The following TMEM200A variants were observed in gnomAD, a reference collection of about 807,000 sequenced individuals.
TMEM200A encodes two transmembrane C.
Under a neutral mutation model 24.3 loss-of-function variants are expected in TMEM200A, and 12 were observed. The ratio of observed to expected loss-of-function variants is 0.49; its 90% confidence interval spans 0.32 to 0.80. TMEM200A has a LOEUF of 0.80. Ranked by LOEUF, TMEM200A falls within the 30% of genes least tolerant of loss-of-function variation. The pLI, the probability that TMEM200A is intolerant of heterozygous loss-of-function variation, is 0.04. For missense variants in TMEM200A, 545 were observed against 614.4 expected, an observed-to-expected ratio of 0.89 and a Z score of 1.19; for synonymous variants, 224 against 224.4, an observed-to-expected ratio of 1.00 and a Z score of 0.02.
intron 2 of TMEM200A, among the ~76,000 whole-genome samples, chr6:130,417,230 G>A (rs1340108831): frequency 6.6e-6 from 1 of 152,140 alleles, no homozygotes; most frequent in Non-Finnish European, 1.5e-5. Context: ...ATATTTGTTA[G>A]ATGAATGAAA....
At chr6:130,380,721 C>A (rs1231849295) in intron 1 of TMEM200A, among the ~76,000 whole-genome samples, 1 of 152,162 alleles carries the variant, frequency 6.6e-6, no homozygotes, top group East Asian at 1.9e-4. Context: ...TGAAAAAATT[C>A]AAAATCAGCC....
In TMEM200A at chr6:130,366,148, AGGGCAG is replaced by A; in HGVS notation, c.-455_-450del. On this transcript the variant is annotated 5_prime_UTR_variant, in exon 1 of 3. Coordinates refer to ENST00000296978, the MANE Select transcript of TMEM200A (RefSeq NM_001258277.2). The surrounding 1 kb of genome is among the most constrained non-coding windows in gnomAD (Gnocchi z 4.4). ...GGCTTGCTGCGCCCGGTGCCCTCCG[AGGGCAG>A]GCGCGCCTGGACTCTGCGCCCGGAT... 1 of 985,100 alleles carries A rather than the reference AGGGCAG, an allele frequency of 1.0e-6. No homozygotes were observed. The highest frequency in any genetic ancestry group is 1.2e-6 in the Non-Finnish European group (1 of 829,868). The allele number at this position is 985,100 out of a possible 1,614,324, so 61.0% of individuals were successfully genotyped here. A position where few individuals can be genotyped will look rare whatever the true frequency, so the allele number is the denominator to read the frequency against.
At chr6:130,407,282 T>C (rs1181952918) in intron 2 of TMEM200A, among the ~76,000 whole-genome samples, 4 of 152,186 alleles carry the variant, frequency 2.6e-5, no homozygotes, top group African/African-American at 9.6e-5. Flanking sequence ...TCTAACCTAA[T>C]GTTTTATTTA....
chr6:130,433,642 TAC>T (rs1218198793), intron 2 of TMEM200A, among the ~76,000 whole-genome samples: 1 of 152,216 alleles, frequency 6.6e-6, no homozygotes, highest in Non-Finnish European at 1.5e-5. Context: ...CATTTGTGGA[TAC>T]CACATGGGGT....
At position 130,392,264 on chromosome 6, in the gene TMEM200A, C is replaced by T. The variant is rs559474462; in HGVS notation, c.-17+7028C>T. ...CATATAAATCACCTAGAAAACAATG[C>T]ATAGCCTGTTGAATAAAAGTAGATG... On this transcript the variant is annotated intron_variant, in intron 2 of 2. Transcript: ENST00000296978. 7.3e-4 allele frequency among the ~76,000 whole-genome samples: 111 copies of T among 152,316 alleles called. 1 individual carries two copies. Among genetic ancestry groups the T allele is most frequent in the Admixed American group, 1.7e-3 (26 of 15,298 alleles).
chr6:130,393,582 G>A (rs1048180043), intron 2 of TMEM200A, among the ~76,000 whole-genome samples: 5 of 152,154 alleles, frequency 3.3e-5, no homozygotes, highest in African/African-American at 4.8e-5. Context: ...TTGGGATCAC[G>A]TTGCTTCAGC....
chr6:130,381,001 TTAAG>T (rs1272225903), intron 1 of TMEM200A, among the ~76,000 whole-genome samples: 1 of 152,110 alleles, frequency 6.6e-6, no homozygotes, highest in African/African-American at 2.4e-5. Flanking sequence ...AAAATAAAAA[TTAAG>T]TTTCAGAAGT....
chr6:130,384,254 T>C (rs1778663963), intron 1 of TMEM200A, among the ~76,000 whole-genome samples: 1 of 152,250 alleles, frequency 6.6e-6, no homozygotes, highest in Admixed American at 6.5e-5. Flanking sequence ...GCATTTATCA[T>C]GTTACTGAAA....
chr6:130,407,104 G>A lies in TMEM200A; in HGVS notation c.-17+21868G>A, dbSNP rs180694806. 7.2e-4 allele frequency among the ~76,000 whole-genome samples: 110 copies of A among 152,188 alleles called. 2 individuals are homozygous for A. The East Asian group carries it at 0.018, about 24-fold the overall frequency. On this transcript the variant is annotated intron_variant, in intron 2 of 2. Transcript: ENST00000296978. ...GCCTCCATTACATAATGTGAAAGGC[G>A]CTTGGAATTATAATTGTATTCTGGA...
rs185235207 is a variant in TMEM200A at position 130,371,382 on chromosome 6, T to G, written c.-81+4858T>G. ...GAGGTAAATAACTTACTGAAGGTTA[T>G]GAGGCCATTAAGCAGTACAGCTGGA... On this transcript the variant is annotated intron_variant, in intron 1 of 2. Coordinates refer to ENST00000296978, the MANE Select transcript of TMEM200A (RefSeq NM_001258277.2). Among the ~76,000 whole-genome samples, 344 of 152,292 alleles carry G rather than the reference T, an allele frequency of 2.3e-3. 3 individuals carry two copies. Among genetic ancestry groups the G allele is most frequent in the Non-Finnish European group, 6.5e-4 (44 of 68,026 alleles).
chr6:130,424,225 T>C (rs1249610674), intron 2 of TMEM200A, among the ~76,000 whole-genome samples: 1 of 152,168 alleles, frequency 6.6e-6, no homozygotes, highest in African/African-American at 2.4e-5. Flanking sequence ...TAAACGGATC[T>C]GAATTTGAAA....
In TMEM200A at chr6:130,398,111, C is replaced by T. The variant is rs976128621; in HGVS notation, c.-17+12875C>T. Among the ~76,000 whole-genome samples, 10 of 151,898 alleles carry T rather than the reference C, an allele frequency of 6.6e-5. No individual in the cohort carries two copies. In the East Asian group the frequency reaches 1.5e-3, roughly 23 times the overall value. On this transcript the variant is annotated intron_variant, in intron 2 of 2. Transcript: ENST00000296978. ...GTACCTGATAGGTAGTTTTCCAACC[C>T]GTGTTTCCCTCCCACCCTTCTCCAT...
Position 130,442,090 on chromosome 6 carries a change from A to G in TMEM200A, c.*192A>G, listed in dbSNP as rs1215601213. On this transcript the variant is annotated 3_prime_UTR_variant, in exon 3 of 3. Coordinates refer to ENST00000296978, the MANE Select transcript of TMEM200A (RefSeq NM_001258277.2). Reference sequence around the variant, plus strand: ...TGTGACTGCAGTACTCTATGTTACCACACATGATTTTATTTTTCTCTTCCT... The same window carrying G: ...TGTGACTGCAGTACTCTATGTTACCGCACATGATTTTATTTTTCTCTTCCT... The G allele has an allele frequency of 4.4e-6, 2 of 454,732 alleles. No individual in the cohort carries two copies. Among genetic ancestry groups the G allele is most frequent in the Admixed American group, 3.9e-5 (1 of 25,556 alleles). 28.2% of individuals were successfully genotyped at this position (454,732 alleles called of 1,614,324 possible). A position where few individuals can be genotyped will look rare whatever the true frequency, so the allele number is the denominator to read the frequency against.
chr6:130,401,601 C>T (rs1189880199), intron 2 of TMEM200A, among the ~76,000 whole-genome samples: 2 of 151,064 alleles, frequency 1.3e-5, no homozygotes, highest in Non-Finnish European at 2.9e-5. Flanking sequence ...TTTTGTATAC[C>T]TGTCAAATAA....
intron 2 of TMEM200A, among the ~76,000 whole-genome samples, chr6:130,386,382 A>G (rs1778712538): frequency 1.3e-5 from 2 of 152,224 alleles, no homozygotes; most frequent in African/African-American, 2.4e-5. Context: ...TCTGCTTGTC[A>G]GAGCCAACTG....
At chr6:130,425,041 G>A (rs548761064) in intron 2 of TMEM200A, among the ~76,000 whole-genome samples, 15 of 151,734 alleles carry the variant, frequency 9.9e-5, no homozygotes, top group Non-Finnish European at 1.6e-4. Flanking sequence ...TTTTCTGACC[G>A]TTCTCTGTGC....
At chr6:130,374,368 G>A (rs901708221) in intron 1 of TMEM200A, among the ~76,000 whole-genome samples, 1 of 151,506 alleles carries the variant, frequency 6.6e-6, no homozygotes, top group African/African-American at 2.4e-5. Flanking sequence ...AAGTTTTGCT[G>A]GGAGGTGGGA....
chr6:130,406,045 C>T (rs1483928992), intron 2 of TMEM200A, among the ~76,000 whole-genome samples: 2 of 152,172 alleles, frequency 1.3e-5, no homozygotes, highest in Non-Finnish European at 2.9e-5. Context: ...AAAGTTAATG[C>T]ATTCTTTAGG....
chr6:130,415,404 C>G (rs1222273003), intron 2 of TMEM200A, among the ~76,000 whole-genome samples: 1 of 152,176 alleles, frequency 6.6e-6, no homozygotes, highest in African/African-American at 2.4e-5. Flanking sequence ...ATATGTTCTC[C>G]TCACTTTCGT....
Sources: allele counts gnomAD v4.1 joint callset (sites outside exome capture counted in the v4.1 genomes callset), GRCh38; gene constraint gnomAD v4.1.1; non-coding constraint Gnocchi (gnomAD v3.1); transcripts MANE v1.5; gene names NCBI Gene and HGNC (gene_info 2026-07-23, HGNC 2026-07-21).